GRM1: variants seen among roughly 807,000 people sequenced by gnomAD.
GRM1 encodes the protein glutamate metabotropic receptor 1.
In GRM1, 33 loss-of-function variants were observed where a neutral mutation model predicts 90.9. That is an observed-to-expected ratio of 0.36 (90% confidence interval 0.28 to 0.49). The LOEUF (loss-of-function observed/expected upper bound fraction) is 0.49. Among genes scored for constraint, GRM1 ranks in the 20% least tolerant of loss-of-function variants. GRM1 has a pLI of 0.99. For missense variants in GRM1, 1,190 were observed against 1,534.3 expected (o/e 0.78, Z 3.75); for synonymous variants, 700 against 613.2 (o/e 1.14, Z -2.09).
At chr6:146,101,829 T>C (rs1434977787) in intron 1 of GRM1, among the ~76,000 whole-genome samples, 2 of 148,758 alleles carry the variant, frequency 1.3e-5, no homozygotes, top group African/African-American at 2.4e-5. Context: ...ATATTATTAC[T>C]GTAATATATA....
At chr6:146,132,180 C>A (rs1776423462) in intron 1 of GRM1, among the ~76,000 whole-genome samples, 1 of 152,050 alleles carries the variant, frequency 6.6e-6, no homozygotes, top group Non-Finnish European at 1.5e-5. Flanking sequence ...TCAGGGGAAA[C>A]CACTAAAGAG....
At chr6:146,298,885 C>G (rs55861110) in intron 2 of GRM1, among the ~76,000 whole-genome samples, 2 of 152,138 alleles carry the variant, frequency 1.3e-5, no homozygotes, top group Non-Finnish European at 2.9e-5. Flanking sequence ...GAAAACACAT[C>G]AAAAATTTAG....
At chr6:146,348,076 T>C (rs918359928) in intron 3 of GRM1, among the ~76,000 whole-genome samples, 8 of 152,186 alleles carry the variant, frequency 5.3e-5, no homozygotes, top group African/African-American at 1.9e-4. Flanking sequence ...AAAGTAATGG[T>C]TTAATGATAT....
At position 146,399,120 on chromosome 6, in the gene GRM1, G is replaced by A; in HGVS notation, c.2081G>A (p.Cys694Tyr). The change falls in exon 7 of 8, where the codon TGC (cysteine) becomes TAC (tyrosine). Residue 694 changes from cysteine (C) to tyrosine (Y), a missense_variant. Around this residue, in one of 10 missense-constraint regions of GRM1, gnomAD observed 414 missense variants for 598.4 expected, o/e 0.69. Coordinates refer to ENST00000282753, the MANE Select transcript of GRM1 (RefSeq NM_001278064.2). The surrounding 1 kb of genome is among the most constrained non-coding windows in gnomAD (Gnocchi z 5.4). ...RILAGSKKKI[C>Y]TRKPRFMSAW... ...CTGGCTGGCAGCAAGAAGAAGATCT[G>A]CACCCGGAAGCCCAGGTTCATGAGT... 1 of 1,614,056 alleles carries A rather than the reference G, an allele frequency of 6.2e-7. No individual in the cohort carries two copies. Among genetic ancestry groups the A allele is most frequent in the Non-Finnish European group, 8.5e-7 (1 of 1,179,988 alleles).
chr6:146,361,239 G>A (rs1400785508), intron 5 of GRM1, among the ~76,000 whole-genome samples: 1 of 152,212 alleles, frequency 6.6e-6, no homozygotes, highest in African/African-American at 2.4e-5. Flanking sequence ...AAGGGAGAGA[G>A]AGACAGCAAG....
intron 1 of GRM1, among the ~76,000 whole-genome samples, chr6:146,087,011 T>C (rs960938776): frequency 1.3e-5 from 2 of 152,128 alleles, no homozygotes; most frequent in African/African-American, 4.8e-5. Flanking sequence ...ATGAAAATTA[T>C]CTTTCGTCTG....
intron 1 of GRM1, among the ~76,000 whole-genome samples, chr6:146,139,032 T>C (rs1440624213): frequency 6.6e-6 from 1 of 152,112 alleles, no homozygotes; most frequent in East Asian, 1.9e-4. Context: ...GTTTCCACTA[T>C]CATTTGTTTC....
At chr6:146,114,890 G>A (rs564220670) in intron 1 of GRM1, among the ~76,000 whole-genome samples, 19 of 152,198 alleles carry the variant, frequency 1.2e-4, no homozygotes, top group Admixed American at 1.1e-3. Flanking sequence ...TAGATTAGAT[G>A]TTTAGTGTTC....
chr6:146,151,694 G>A (rs932211441), intron 1 of GRM1, among the ~76,000 whole-genome samples: 3 of 151,836 alleles, frequency 2.0e-5, no homozygotes, highest in African/African-American at 7.3e-5. Context: ...AAATCATACC[G>A]AGTTTAGAGA....
Position 146,098,904 on chromosome 6 carries a change from A to T in GRM1, c.701-60444A>T, listed in dbSNP as rs531939314. On this transcript the variant is annotated intron_variant, in intron 1 of 7. Coordinates refer to ENST00000282753, the MANE Select transcript of GRM1 (RefSeq NM_001278064.2). ...TTCCTGAGGTCTTCTCAGCCATGCCAAACTGTGAGTCAATGAAACCTTTTT... is the reference window on the plus strand; with the variant it reads ...TTCCTGAGGTCTTCTCAGCCATGCCTAACTGTGAGTCAATGAAACCTTTTT... 3.3e-5 allele frequency among the ~76,000 whole-genome samples: 5 copies of T among 152,172 alleles called. No homozygotes were observed. The East Asian group carries it at 9.7e-4, about 29-fold the overall frequency.
At chr6:146,164,995 A>C (rs765494635) in intron 2 of GRM1, among the ~76,000 whole-genome samples, 1 of 150,404 alleles carries the variant, frequency 6.6e-6, no homozygotes, top group Admixed American at 6.6e-5. Context: ...TGTTTTATCT[A>C]TTGCTTCTCG....
chr6:146,319,621 G>T (rs780521344), intron 3 of GRM1, among the ~76,000 whole-genome samples: 17 of 152,018 alleles, frequency 1.1e-4, no homozygotes, highest in Non-Finnish European at 2.4e-4. Flanking sequence ...TTTTCTATTT[G>T]TGTCCTCTCT....
intron 1 of GRM1, among the ~76,000 whole-genome samples, chr6:146,055,711 T>A (rs1025545268): frequency 1.3e-5 from 2 of 152,084 alleles, no homozygotes; most frequent in Non-Finnish European, 2.9e-5. Context: ...GCTGTAAAGT[T>A]GGGTAATATG....
chr6:146,184,211 A>G, intron 2 of GRM1, among the ~76,000 whole-genome samples: 1 of 152,182 alleles, frequency 6.6e-6, no homozygotes, highest in Non-Finnish European at 1.5e-5. Flanking sequence ...TGAAAAAGAC[A>G]GAGGGGGAGA....
Position 146,150,938 on chromosome 6 carries a change from GCACACA to G in GRM1, c.701-8386_701-8381del, listed in dbSNP as rs143821112. ...TATAAACACACACACGCGTGTGCGC[GCACACA>G]CACACACACACACACACACACACTA... is the stretch of plus-strand genomic sequence containing the variant. On this transcript the variant is annotated intron_variant, in intron 1 of 7. Coordinates refer to ENST00000282753, the MANE Select transcript of GRM1 (RefSeq NM_001278064.2). Among the ~76,000 whole-genome samples the G allele has an allele frequency of 6.4e-3, 958 of 150,810 alleles. 6 individuals are homozygous for G. The highest frequency in any genetic ancestry group is 0.021 in the African/African-American group (866 of 41,198).
intron 5 of GRM1, among the ~76,000 whole-genome samples, chr6:146,373,216 T>C (rs1311632445): frequency 6.6e-6 from 1 of 152,122 alleles, no homozygotes; most frequent in Admixed American, 6.6e-5. Flanking sequence ...ATTTTATGTG[T>C]GTGTATTAGT....
intron 1 of GRM1, among the ~76,000 whole-genome samples, chr6:146,043,788 T>TATATATATATATATATATATATAG (rs1791207752): frequency 7.9e-6 from 1 of 127,380 alleles, no homozygotes; most frequent in Admixed American, 7.5e-5. Context: ...AGGTGATATA[T>TATATATATATATATATATATATAG]ATATATATAT....
At position 146,304,729 on chromosome 6, in the gene GRM1, C is replaced by T. The variant is rs1225357497; in HGVS notation, c.1069C>T (p.Leu357=). 1 of 1,613,894 alleles carries T rather than the reference C, an allele frequency of 6.2e-7. No individual in the cohort carries two copies. The highest frequency in any genetic ancestry group is 1.1e-5 in the South Asian group (1 of 91,074). ...VRSFDDYFLK[L]RLDTNTRNPW... is the part of the protein sequence containing the mutation. ...GTCATTTGATGATTATTTCCTGAAA[C>T]TGAGGCTGGACACTAACACGAGGAA... Residue 357 remains leucine, a synonymous_variant, in exon 3 of 8, where the codon CTG becomes TTG. Transcript: ENST00000282753.
In GRM1 at chr6:146,399,745, G is replaced by GTCTCTTTCTCTCTCTCTCTCTCTC. The variant is rs1554308757; in HGVS notation, c.2660+58_2660+81dup. On this transcript the variant is annotated intron_variant, in intron 7 of 7. Transcript: ENST00000282753. This position sits in a 1 kb window ranked among gnomAD's most constrained non-coding sequence, Gnocchi z 5.4. The stretch of plus-strand genomic sequence containing the variant: ...GTCTCTCTTTTCTCTTCCTTTCTCT[G>GTCTCTTTCTCTCTCTCTCTCTCTC]TCTCTTTCTCTCTCTCTCTCTCTCT... The GTCTCTTTCTCTCTCTCTCTCTCTC allele has an allele frequency of 7.7e-7, 1 of 1,299,686 alleles. No individual in the cohort carries two copies. The highest frequency in any genetic ancestry group is 2.4e-5 in the East Asian group (1 of 41,008). The allele number at this position is 1,299,686 out of a possible 1,614,324, so 80.5% of individuals were successfully genotyped here.
Sources: allele counts gnomAD v4.1 joint callset (sites outside exome capture counted in the v4.1 genomes callset), GRCh38; gene constraint gnomAD v4.1.1; regional missense constraint gnomAD v4.1.1; non-coding constraint Gnocchi (gnomAD v3.1); transcripts MANE v1.5; gene names NCBI Gene and HGNC (gene_info 2026-07-23, HGNC 2026-07-21).